Variants in CASQ2 observed in about 807,000 individuals in gnomAD.
The protein encoded by CASQ2 is calsequestrin-2.
CASQ2 carries 49 observed loss-of-function variants against 46.5 expected under a neutral mutation model. That is an observed-to-expected ratio of 1.05 (90% CI 0.84 to 1.34). CASQ2 has a LOEUF of 1.34. Ranked by LOEUF, CASQ2 falls within the 40% of genes most tolerant of loss-of-function variation. The pLI is 0.00. For synonymous variants in CASQ2, 174 were observed against 168.5 expected, an observed-to-expected ratio of 1.03 and a Z score of -0.25; for missense variants, 486 against 481.3, an observed-to-expected ratio of 1.01 and a Z score of -0.09.
At position 115,740,782 on chromosome 1, in the gene CASQ2, T is replaced by C. The variant is rs1369205065; in HGVS notation, c.366A>G (p.Thr122=). The change falls in exon 3 of 11, where the codon ACA becomes ACG. Residue 122 remains threonine, a synonymous_variant. Coordinates refer to ENST00000261448, the MANE Select transcript of CASQ2 (RefSeq NM_001232.4). ...GSLYILKGDR[T]IEFDGEFAAD... ...CTGCAAACTCGCCATCAAACTCTAT[T>C]GTGCGATCACCCTTAAGAATATACA... 2 of 1,613,694 alleles carry C rather than the reference T, an allele frequency of 1.2e-6. No homozygotes were observed. Among genetic ancestry groups the C allele is most frequent in the Non-Finnish European group, 1.7e-6 (2 of 1,179,788 alleles).
At chr1:115,757,362 G>A (rs1408801915) in intron 1 of CASQ2, among the ~76,000 whole-genome samples, 1 of 152,178 alleles carries the variant, frequency 6.6e-6, no homozygotes, top group Non-Finnish European at 1.5e-5. Context: ...TGGGCTCTAT[G>A]AGAGGCTTTG....
chr1:115,739,596 T>C (rs1050194929), intron 3 of CASQ2, among the ~76,000 whole-genome samples: 4 of 152,338 alleles, frequency 2.6e-5, no homozygotes, highest in African/African-American at 9.6e-5. Context: ...CAAATTTGTT[T>C]TTCTGTCATG....
At chr1:115,728,556 A>G (rs1203742098) in intron 5 of CASQ2, among the ~76,000 whole-genome samples, 1 of 152,164 alleles carries the variant, frequency 6.6e-6, no homozygotes, top group African/African-American at 2.4e-5. Context: ...GAGTTCACTT[A>G]CTATGTATTC....
chr1:115,748,988 C>A (rs9428216), intron 1 of CASQ2, among the ~76,000 whole-genome samples: 2 of 151,908 alleles, frequency 1.3e-5, no homozygotes, highest in African/African-American at 2.4e-5. Context: ...CAGGAATCTA[C>A]GTTTTTATAA....
At chr1:115,749,855 T>C (rs1306995239) in intron 1 of CASQ2, among the ~76,000 whole-genome samples, 1 of 152,178 alleles carries the variant, frequency 6.6e-6, no homozygotes, top group Non-Finnish European at 1.5e-5. Flanking sequence ...CTCAGGTCGC[T>C]ACCAGTCCTG....
intron 10 of CASQ2, among the ~76,000 whole-genome samples, chr1:115,702,631 TG>T (rs1280934386): frequency 6.6e-6 from 1 of 152,202 alleles, no homozygotes; most frequent in Non-Finnish European, 1.5e-5. Flanking sequence ...TGTTTGACTT[TG>T]GGGGTAAATA....
At chr1:115,762,695 G>T (rs1649005722) in intron 1 of CASQ2, among the ~76,000 whole-genome samples, 1 of 152,192 alleles carries the variant, frequency 6.6e-6, no homozygotes, top group Admixed American at 6.5e-5. Context: ...CTATGTAAGT[G>T]TGAAGCTCAC....
chr1:115,723,341 T>TATCTATCTATC (rs1557791559), intron 7 of CASQ2, among the ~76,000 whole-genome samples: 6 of 147,220 alleles, frequency 4.1e-5, no homozygotes, highest in Non-Finnish European at 9.0e-5. Flanking sequence ...ATCTATCATC[T>TATCTATCTATC]ATCTATGTAT....
At chr1:115,743,135 G>A (rs917543824) in intron 2 of CASQ2, among the ~76,000 whole-genome samples, 3 of 151,922 alleles carry the variant, frequency 2.0e-5, no homozygotes, top group African/African-American at 7.3e-5. Flanking sequence ...CATACTCAAG[G>A]GAGAAAAATA....
In CASQ2 at chr1:115,746,158, G is replaced by A. The variant is rs370999544; in HGVS notation, c.235-1246C>T. ...TCTAGGTTGTTGCATGTATCGATAC[G>A]CTGTTTTTTTTTTTATTGCTGAGTA... On this transcript the variant is annotated intron_variant, in intron 1 of 10. Coordinates refer to ENST00000261448, the MANE Select transcript of CASQ2 (RefSeq NM_001232.4). Among the ~76,000 whole-genome samples the A allele has an allele frequency of 3.3e-3, 271 of 81,138 alleles. 1 individual carries two copies. Among genetic ancestry groups the A allele is most frequent in the Admixed American group, 7.4e-3 (51 of 6,938 alleles). 53.2% of individuals were successfully genotyped at this position (81,138 alleles called of 152,430 possible). A position where few individuals can be genotyped will look rare whatever the true frequency, so the allele number is the denominator to read the frequency against.
chr1:115,702,859 T>C (rs1252552609), intron 10 of CASQ2, 62 bp downstream of exon 10: 1 of 1,226,186 alleles, frequency 8.2e-7, no homozygotes, highest in Non-Finnish European at 1.2e-6. Context: ...CAATCTAAGC[T>C]GTGTAGCAGA....
At chr1:115,705,100 GTGCCCC>G in intron 9 of CASQ2, 86 bp downstream of exon 9, 2 of 865,426 alleles carry the variant, frequency 2.3e-6, no homozygotes, top group Non-Finnish European at 2.0e-6. Context: ...GTTTCTTCAA[GTGCCCC>G]TGCCTATTTC....
chr1:115,714,112 G>A (rs2101065235), intron 8 of CASQ2, among the ~76,000 whole-genome samples: 1 of 152,322 alleles, frequency 6.6e-6, no homozygotes, highest in South Asian at 2.1e-4. Flanking sequence ...TGTGGGCTGG[G>A]AAGCCAGACA....
intron 8 of CASQ2, among the ~76,000 whole-genome samples, chr1:115,707,862 C>G (rs934495858): frequency 1.3e-5 from 2 of 152,130 alleles, no homozygotes. Flanking sequence ...AACACAGACT[C>G]AAATGAAAGT....
chr1:115,747,212 A>AT (rs1648419921), intron 1 of CASQ2, among the ~76,000 whole-genome samples: 1 of 152,000 alleles, frequency 6.6e-6, no homozygotes, highest in Middle Eastern at 3.2e-3. Flanking sequence ...CTGTTCCGAT[A>AT]TTTTTTGGTG....
Position 115,754,202 on chromosome 1 carries a change from C to T in CASQ2, c.235-9290G>A, listed in dbSNP as rs148416106. On this transcript the variant is annotated intron_variant, in intron 1 of 10. Coordinates refer to ENST00000261448, the MANE Select transcript of CASQ2 (RefSeq NM_001232.4). ...GGGCAGTTGGCATGTGATGTGTTCA[C>T]GAAGGAGGCTGGCTCAATGAAGGGA... Among the ~76,000 whole-genome samples the T allele has an allele frequency of 2.2e-3, 341 of 152,212 alleles. 1 individual carries two copies. Among genetic ancestry groups the T allele is most frequent in the African/African-American group, 7.8e-3 (325 of 41,528 alleles).
At chr1:115,739,997 A>G (rs1648124782) in intron 3 of CASQ2, among the ~76,000 whole-genome samples, 1 of 152,116 alleles carries the variant, frequency 6.6e-6, no homozygotes, top group African/African-American at 2.4e-5. Context: ...TTTTTGGTAA[A>G]TGTAGCTTCC....
chr1:115,739,969 C>T (rs7544042), intron 3 of CASQ2, among the ~76,000 whole-genome samples: 1 of 152,006 alleles, frequency 6.6e-6, no homozygotes, highest in Admixed American at 6.6e-5. Flanking sequence ...AAGCACAGTG[C>T]GTCATGAGAT....
At chr1:115,757,259 G>T (rs1184297811) in intron 1 of CASQ2, among the ~76,000 whole-genome samples, 1 of 152,088 alleles carries the variant, frequency 6.6e-6, no homozygotes, top group Non-Finnish European at 1.5e-5. Flanking sequence ...CTGTATTACC[G>T]ATATGTGCCC....
Sources: gnomAD v4.1 joint callset for allele counts (sites outside exome capture counted in the v4.1 genomes callset) on GRCh38, gnomAD v4.1.1 for gene constraint, MANE v1.5 for transcripts, NCBI Gene and HGNC (gene_info 2026-07-23, HGNC 2026-07-21) for gene names.